The following MEMO1 variants were observed in gnomAD, a reference collection of about 807,000 sequenced individuals.
The protein encoded by MEMO1 is protein MEMO1.
A neutral mutation model predicts 45.2 loss-of-function variants in MEMO1; 6 were observed. The ratio of observed to expected loss-of-function variants is 0.13; its 90% confidence interval spans 0.07 to 0.26. The LOEUF is 0.26. Among genes scored for constraint, MEMO1 ranks in the 10% least tolerant of loss-of-function variants. The pLI is 1.00. For missense variants in MEMO1, 184 were observed against 370.5 expected (o/e 0.50, Z 4.13); for synonymous variants, 78 against 124.3 (o/e 0.63, Z 2.48).
At chr2:31,923,993 A>G (rs3769610) in intron 4 of MEMO1, among the ~76,000 whole-genome samples, 4 of 152,124 alleles carry the variant, frequency 2.6e-5, no homozygotes, top group Non-Finnish European at 4.4e-5. Context: ...CCAATTCTGT[A>G]CTCTACAGAT....
intron 2 of MEMO1, among the ~76,000 whole-genome samples, chr2:31,990,326 A>G (rs976999392): frequency 9.2e-5 from 14 of 152,334 alleles, no homozygotes; most frequent in Non-Finnish European, 1.2e-4. Flanking sequence ...TTGTTCCGAA[A>G]GATAGTTATT....
chr2:31,963,052 A>G, intron 2 of MEMO1: 2 of 1,316,156 alleles, frequency 1.5e-6, no homozygotes, highest in South Asian at 2.0e-5. Context: ...TTCTGCCTTC[A>G]CCTTCAAACT....
At chr2:31,993,217 T>C (rs1009554410) in intron 2 of MEMO1, among the ~76,000 whole-genome samples, 10 of 152,118 alleles carry the variant, frequency 6.6e-5, no homozygotes, top group Non-Finnish European at 1.3e-4. Context: ...ACCTCACTCA[T>C]ACTAAGAAAA....
chr2:32,009,522 C>T (rs1179637580), intron 2 of MEMO1, among the ~76,000 whole-genome samples: 1 of 152,218 alleles, frequency 6.6e-6, no homozygotes, highest in Non-Finnish European at 1.5e-5. Flanking sequence ...TCACTCCCTG[C>T]AAGACAGCGG....
At chr2:31,912,655 T>A (rs1680765028) in intron 6 of MEMO1, among the ~76,000 whole-genome samples, 1 of 152,026 alleles carries the variant, frequency 6.6e-6, no homozygotes, top group Admixed American at 6.6e-5. Context: ...GAACAAAGTG[T>A]ATAAGATATG....
chr2:31,928,185 T>C (rs2148225906), intron 4 of MEMO1, among the ~76,000 whole-genome samples: 1 of 152,314 alleles, frequency 6.6e-6, no homozygotes, highest in Non-Finnish European at 1.5e-5. Flanking sequence ...ATCTTCATTA[T>C]CACCTCAAAA....
intron 8 of MEMO1, among the ~76,000 whole-genome samples, chr2:31,882,112 C>A (rs1675480531): frequency 6.6e-6 from 1 of 151,810 alleles, no homozygotes; most frequent in South Asian, 2.1e-4. Flanking sequence ...CCACTGCACG[C>A]CAGCCTGGGC....
intron 2 of MEMO1, among the ~76,000 whole-genome samples, chr2:31,946,283 C>T (rs1483590812): frequency 6.6e-6 from 1 of 152,000 alleles, no homozygotes; most frequent in Non-Finnish European, 1.5e-5. Context: ...CAATAACATG[C>T]ACTGAAATTA....
chr2:31,951,108 A>C (rs965273623), intron 2 of MEMO1, among the ~76,000 whole-genome samples: 9 of 152,200 alleles, frequency 5.9e-5, no homozygotes, highest in Non-Finnish European at 1.3e-4. Context: ...CGGTTTCAGA[A>C]AACAACCCAG....
At chr2:31,983,863 T>A (rs562477415) in intron 2 of MEMO1, among the ~76,000 whole-genome samples, 1 of 151,970 alleles carries the variant, frequency 6.6e-6, no homozygotes. Flanking sequence ...AGCAAGAGAG[T>A]GCTTAAAAGT....
intron 8 of MEMO1, among the ~76,000 whole-genome samples, chr2:31,870,353 T>C (rs1327256988): frequency 6.6e-6 from 1 of 152,174 alleles, no homozygotes; most frequent in Non-Finnish European, 1.5e-5. Context: ...TTTGTGGCTG[T>C]TTTCTCCATA....
chr2:31,881,630 A>T (rs1157807181), intron 8 of MEMO1, among the ~76,000 whole-genome samples: 1 of 152,076 alleles, frequency 6.6e-6, no homozygotes, highest in Non-Finnish European at 1.5e-5. Context: ...AATTATTTGC[A>T]TCTGTAAAAA....
intron 3 of MEMO1, among the ~76,000 whole-genome samples, chr2:31,940,961 A>G (rs2148309647): frequency 6.6e-6 from 1 of 152,312 alleles, no homozygotes; most frequent in East Asian, 1.9e-4. Context: ...TCTCTTTTCT[A>G]TAATTATAAT....
intron 8 of MEMO1, among the ~76,000 whole-genome samples, chr2:31,873,883 A>G (rs1674160073): frequency 6.6e-6 from 1 of 152,136 alleles, no homozygotes; most frequent in South Asian, 2.1e-4. Context: ...CACCTTAAAA[A>G]TAGCAGTGCT....
chr2:31,935,463 G>A (rs1035324786), intron 3 of MEMO1, among the ~76,000 whole-genome samples: 8 of 152,180 alleles, frequency 5.3e-5, no homozygotes, highest in Middle Eastern at 6.8e-3. Context: ...TTCCAAGTCT[G>A]CTTGGAGTAA....
At chr2:31,997,862 C>T (rs1048184391) in intron 2 of MEMO1, among the ~76,000 whole-genome samples, 2 of 152,148 alleles carry the variant, frequency 1.3e-5, no homozygotes, top group African/African-American at 4.8e-5. Context: ...GTGTAAAGAA[C>T]AGAATGGAAA....
At chr2:31,996,710 T>C (rs556206251) in intron 2 of MEMO1, among the ~76,000 whole-genome samples, 2 of 152,224 alleles carry the variant, frequency 1.3e-5, no homozygotes, top group Admixed American at 6.5e-5. Flanking sequence ...TTATAGAGCA[T>C]TCCACCCCAT....
At chr2:31,976,078 A>C (rs1669970770) in intron 2 of MEMO1, among the ~76,000 whole-genome samples, 1 of 152,124 alleles carries the variant, frequency 6.6e-6, no homozygotes, top group South Asian at 2.1e-4. Context: ...ATTACTTTTA[A>C]TAAATGTTTC....
chr2:31,933,347 AAATTTATAT>A (rs1159403261), intron 3 of MEMO1, among the ~76,000 whole-genome samples: 4 of 19,960 alleles, frequency 2.0e-4, no homozygotes, highest in African/African-American at 7.9e-4. Flanking sequence ...AAAAAAAAAA[AAATTTATAT>A]ATATATATAT....
Sources: allele counts gnomAD v4.1 joint callset (sites outside exome capture counted in the v4.1 genomes callset), GRCh38; gene constraint gnomAD v4.1.1; transcripts MANE v1.5; gene names NCBI Gene and HGNC (gene_info 2026-07-23, HGNC 2026-07-21).